KCNJ16: variants seen among roughly 807,000 people sequenced by gnomAD.
KCNJ16 encodes the protein potassium inwardly rectifying channel subfamily J member 16.
A neutral mutation model predicts 18.5 loss-of-function variants in KCNJ16; 15 were observed. The ratio of observed to expected loss-of-function variants is 0.81; its 90% confidence interval spans 0.54 to 1.25. The LOEUF is 1.25. Among genes scored for constraint, KCNJ16 ranks in the 50% most tolerant of loss-of-function variants. KCNJ16 has a pLI of 0.00. For synonymous variants in KCNJ16, 174 were observed against 186.5 expected (o/e 0.93, Z 0.55); for missense variants, 523 against 525.7 (o/e 0.99, Z 0.05).
intron 1 of KCNJ16, among the ~76,000 whole-genome samples, chr17:70,095,416 CAGAA>C (rs1001559259): frequency 6.6e-6 from 1 of 152,158 alleles, no homozygotes; most frequent in Admixed American, 6.6e-5. Context: ...TAGAACCAAC[CAGAA>C]AAAGAAAATG....
At chr17:70,109,657 T>C (rs2073097709) in intron 2 of KCNJ16, among the ~76,000 whole-genome samples, 1 of 152,154 alleles carries the variant, frequency 6.6e-6, no homozygotes, top group Non-Finnish European at 1.5e-5. Flanking sequence ...ATTTCCGTCC[T>C]TTCACAGTCA....
At chr17:70,120,066 C>G (rs1472957160) in intron 2 of KCNJ16, among the ~76,000 whole-genome samples, 2 of 152,162 alleles carry the variant, frequency 1.3e-5, no homozygotes, top group Non-Finnish European at 2.9e-5. Flanking sequence ...CAATTTGCTG[C>G]TTAGAAATTT....
chr17:70,129,035 T>C (rs2073965680), intron 2 of KCNJ16, among the ~76,000 whole-genome samples: 1 of 152,250 alleles, frequency 6.6e-6, no homozygotes, highest in Admixed American at 6.5e-5. Flanking sequence ...GCTATCTTGC[T>C]GACGCAGGCT....
At chr17:70,119,691 A>G (rs1037930077) in intron 2 of KCNJ16, among the ~76,000 whole-genome samples, 2 of 152,192 alleles carry the variant, frequency 1.3e-5, no homozygotes, top group African/African-American at 2.4e-5. Flanking sequence ...CCAAGTCTGC[A>G]CAAAGCAACA....
At chr17:70,075,618 C>CGCTTTGGTT (rs2071271945) in intron 1 of KCNJ16, among the ~76,000 whole-genome samples, 1 of 152,156 alleles carries the variant, frequency 6.6e-6, no homozygotes, top group African/African-American at 2.4e-5. Context: ...AAAGTAGTCT[C>CGCTTTGGTT]ACATTGGTGT....
chr17:70,079,789 G>A (rs910987856), intron 1 of KCNJ16, among the ~76,000 whole-genome samples: 12 of 152,014 alleles, frequency 7.9e-5, no homozygotes, highest in African/African-American at 1.7e-4. Flanking sequence ...TGCAACCTCC[G>A]CCTCCCAGGT....
intron 2 of KCNJ16, among the ~76,000 whole-genome samples, chr17:70,104,199 G>C (rs2072805346): frequency 6.6e-6 from 1 of 151,954 alleles, no homozygotes; most frequent in South Asian, 2.1e-4. Context: ...CTTCTGAGCT[G>C]AAACCATCCT....
Position 70,103,286 on chromosome 17 carries a change from A to ATGTGTGTGTGTGTG in KCNJ16, c.-191+2531_-191+2532insGTGTGTGTGTGTGT, listed in dbSNP as rs1555589099. On this transcript the variant is annotated intron_variant, in intron 2 of 3. Transcript: ENST00000392671. ...GTATATGTGTATATAATATGCATAT[A>ATGTGTGTGTGTGTG]TGTGTGTGTGTATATATATATATAT... Among the ~76,000 whole-genome samples, 595 of 103,780 alleles carry ATGTGTGTGTGTGTG rather than the reference A, an allele frequency of 5.7e-3. 4 individuals carry two copies. The highest frequency in any genetic ancestry group is 0.011 in the Admixed American group (111 of 10,048). 68.1% of individuals were successfully genotyped at this position (103,780 alleles called of 152,430 possible).
chr17:70,115,520 T>C (rs2073367310), intron 2 of KCNJ16, among the ~76,000 whole-genome samples: 2 of 152,148 alleles, frequency 1.3e-5, no homozygotes, highest in Admixed American at 1.3e-4. Flanking sequence ...TCCAAAGTTA[T>C]TGAAAATATT....
intron 1 of KCNJ16, among the ~76,000 whole-genome samples, chr17:70,100,107 C>T (rs559273811): frequency 1.6e-4 from 24 of 152,132 alleles, no homozygotes; most frequent in African/African-American, 5.1e-4. Context: ...GCCCTCAGGC[C>T]GGCAAAAATG....
intron 3 of KCNJ16, among the ~76,000 whole-genome samples, chr17:70,131,190 G>A (rs1598188142): frequency 8.0e-6 from 1 of 124,802 alleles, no homozygotes; most frequent in Non-Finnish European, 1.6e-5. Context: ...AGAGCTGCCA[G>A]TGTCAAAAAA....
chr17:70,075,335 A>G lies in KCNJ16; in HGVS notation c.-355A>G, dbSNP rs2071256957. On this transcript the variant is annotated 5_prime_UTR_variant, in exon 1 of 4. Transcript: ENST00000392671. ...TATTAACTAAAGAGCATTCTCTACC[A>G]TTGCCCAGCTGAAAGCACCTAGCTC... 1 of 151,962 alleles carries G rather than the reference A, an allele frequency of 6.6e-6. No individual in the cohort carries two copies. The highest frequency in any genetic ancestry group is 6.6e-5 in the Admixed American group (1 of 15,232). The allele number at this position is 151,962 out of a possible 1,614,324, so 9.4% of individuals were successfully genotyped here. A position where few individuals can be genotyped will look rare whatever the true frequency, so the allele number is the denominator to read the frequency against.
intron 1 of KCNJ16, among the ~76,000 whole-genome samples, chr17:70,094,632 CAT>C (rs2072270056): frequency 7.6e-6 from 1 of 131,506 alleles, no homozygotes; most frequent in South Asian, 2.4e-4. Context: ...GGGGGAATAA[CAT>C]ATATTTTCTT....
chr17:70,126,085 T>C (rs894279282), intron 2 of KCNJ16, among the ~76,000 whole-genome samples: 13 of 152,158 alleles, frequency 8.5e-5, no homozygotes, highest in Admixed American at 3.9e-4. Flanking sequence ...AAAAAAATCA[T>C]GGGGGAGATG....
intron 2 of KCNJ16, among the ~76,000 whole-genome samples, chr17:70,122,596 A>G (rs570176991): frequency 1.8e-4 from 28 of 152,370 alleles, no homozygotes; most frequent in African/African-American, 6.0e-4. Flanking sequence ...TATTGGAAAG[A>G]TAACAGTTTG....
intron 2 of KCNJ16, among the ~76,000 whole-genome samples, chr17:70,117,405 A>G (rs921181875): frequency 1.2e-4 from 18 of 151,718 alleles, no homozygotes; most frequent in African/African-American, 4.4e-4. Context: ...GCATCACACA[A>G]TATACCTGAA....
chr17:70,113,630 C>T (rs975585984), intron 2 of KCNJ16, among the ~76,000 whole-genome samples: 2 of 152,086 alleles, frequency 1.3e-5, no homozygotes, highest in African/African-American at 4.8e-5. Flanking sequence ...TTCTTAGTTG[C>T]CCATCAACAT....
chr17:70,132,013 A>C lies in KCNJ16; in HGVS notation c.-75A>C. ...TTTTTAGGTTCTAACTGAAAACCCA[A>C]ACCAAGAAATAGCAACAAGTCTAGA... On this transcript the variant is annotated 5_prime_UTR_variant, in exon 4 of 4. Transcript: ENST00000392671. 1 of 1,594,288 alleles carries C rather than the reference A, an allele frequency of 6.3e-7. No individual in the cohort carries two copies. Among genetic ancestry groups the C allele is most frequent in the Non-Finnish European group, 8.5e-7 (1 of 1,170,312 alleles).
At chr17:70,083,939 C>T (rs2071675585) in intron 1 of KCNJ16, among the ~76,000 whole-genome samples, 2 of 152,050 alleles carry the variant, frequency 1.3e-5, no homozygotes, top group Non-Finnish European at 2.9e-5. Flanking sequence ...ATGTTGGTGT[C>T]CCATGGCTTT....
Sources: gnomAD v4.1 joint callset for allele counts (sites outside exome capture counted in the v4.1 genomes callset) on GRCh38, gnomAD v4.1.1 for gene constraint, MANE v1.5 for transcripts, NCBI Gene and HGNC (gene_info 2026-07-23, HGNC 2026-07-21) for gene names.